IGFBP7: variants seen among roughly 807,000 people sequenced by gnomAD.
IGFBP7 encodes the protein insulin like growth factor binding protein 7, also known as insulin-like growth factor-binding protein 7.
IGFBP7 carries 31 observed loss-of-function variants against 29.4 expected under a neutral mutation model. That is an observed-to-expected ratio of 1.05 (90% CI 0.79 to 1.42). The LOEUF (loss-of-function observed/expected upper bound fraction) is 1.42. Among genes scored for constraint, IGFBP7 ranks in the 40% most tolerant of loss-of-function variants. The pLI, the probability that IGFBP7 is intolerant of heterozygous loss-of-function variation, is 0.00. For missense variants in IGFBP7, 393 were observed against 395.5 expected (o/e 0.99, Z 0.05); for synonymous variants, 172 against 174.9 (o/e 0.98, Z 0.13).
chr4:57,109,817 G>C, intron 1 of IGFBP7, 60 bp downstream of exon 1: 1 of 1,488,018 alleles, frequency 6.7e-7, no homozygotes, highest in Non-Finnish European at 8.9e-7. Context: ...ACGCCCCGTC[G>C]GATGTGCCCT....
chr4:57,092,002 A>T (rs2109796069), intron 1 of IGFBP7, among the ~76,000 whole-genome samples: 1 of 152,352 alleles, frequency 6.6e-6, no homozygotes, highest in East Asian at 1.9e-4. Flanking sequence ...GGGAAGTTGC[A>T]TTTAAAGAGC....
intron 1 of IGFBP7, among the ~76,000 whole-genome samples, chr4:57,064,133 G>A (rs1209564033): frequency 6.6e-6 from 1 of 152,164 alleles, no homozygotes; most frequent in Admixed American, 6.5e-5. Context: ...GAGCCTAGGA[G>A]TTTCACAGCA....
intron 1 of IGFBP7, among the ~76,000 whole-genome samples, chr4:57,089,331 T>A (rs765792683): frequency 2.0e-5 from 3 of 152,216 alleles, no homozygotes; most frequent in Admixed American, 1.3e-4. Flanking sequence ...TTTAAAATTA[T>A]CCCTTTCCAC....
At chr4:57,035,544 T>C (rs1724063214) in intron 2 of IGFBP7, among the ~76,000 whole-genome samples, 1 of 152,142 alleles carries the variant, frequency 6.6e-6, no homozygotes, top group African/African-American at 2.4e-5. Context: ...AACCTCTGCC[T>C]CCGCCTCCGG....
chr4:57,046,023 AC>A (rs1319330912), intron 1 of IGFBP7, among the ~76,000 whole-genome samples: 1 of 152,064 alleles, frequency 6.6e-6, no homozygotes, highest in African/African-American at 2.4e-5. Flanking sequence ...ACTGCACGCG[AC>A]CAAAATCTCT....
intron 1 of IGFBP7, among the ~76,000 whole-genome samples, chr4:57,071,257 C>A (rs902252750): frequency 4.6e-5 from 7 of 152,168 alleles, no homozygotes; most frequent in African/African-American, 1.7e-4. Flanking sequence ...CTGCTGCAGC[C>A]TCTGGAAAGC....
chr4:57,050,977 G>C (rs1408142567), intron 1 of IGFBP7, among the ~76,000 whole-genome samples: 2 of 152,122 alleles, frequency 1.3e-5, no homozygotes, highest in African/African-American at 4.8e-5. Flanking sequence ...AAAATAGTGT[G>C]TGCATTAATA....
At chr4:57,091,677 C>T (rs1725641282) in intron 1 of IGFBP7, among the ~76,000 whole-genome samples, 1 of 152,186 alleles carries the variant, frequency 6.6e-6, no homozygotes, top group African/African-American at 2.4e-5. Context: ...TCACATGCAG[C>T]TTTTCCATTT....
chr4:57,065,952 C>T (rs928525066), intron 1 of IGFBP7, among the ~76,000 whole-genome samples: 9 of 152,160 alleles, frequency 5.9e-5, no homozygotes, highest in African/African-American at 2.2e-4. Context: ...CCTTTGCTCC[C>T]TACCCCCATC....
rs182863791 is a variant in IGFBP7 at position 57,108,768 on chromosome 4, C to T, written c.475+1109G>A. ...TTCACCGTGTTGGTCAGGCTGATCT[C>T]GAACTCCTGACCTCGTGATCTGCCC... is the stretch of plus-strand genomic sequence containing the variant. On this transcript the variant is annotated intron_variant, in intron 1 of 4. Transcript: ENST00000295666. Among the ~76,000 whole-genome samples the T allele has an allele frequency of 5.0e-4, 76 of 152,146 alleles. 1 individual carries two copies. Among genetic ancestry groups the T allele is most frequent in the Middle Eastern group, 6.8e-3 (2 of 294 alleles).
At chr4:57,052,908 A>G (rs1724544292) in intron 1 of IGFBP7, among the ~76,000 whole-genome samples, 1 of 152,208 alleles carries the variant, frequency 6.6e-6, no homozygotes. Context: ...ATATCTCACA[A>G]TTATCACTGT....
intron 1 of IGFBP7, among the ~76,000 whole-genome samples, chr4:57,051,670 G>A (rs1344468135): frequency 6.6e-6 from 1 of 152,176 alleles, no homozygotes; most frequent in Non-Finnish European, 1.5e-5. Context: ...TTGGAGCGTG[G>A]ACTTGGAATC....
intron 1 of IGFBP7, among the ~76,000 whole-genome samples, chr4:57,059,308 C>T (rs936855010): frequency 6.6e-6 from 1 of 152,160 alleles, no homozygotes; most frequent in African/African-American, 2.4e-5. Flanking sequence ...ATGTTCATTG[C>T]AGCACTATTC....
At chr4:57,065,896 C>T (rs985543881) in intron 1 of IGFBP7, among the ~76,000 whole-genome samples, 1 of 152,192 alleles carries the variant, frequency 6.6e-6, no homozygotes, top group East Asian at 1.9e-4. Flanking sequence ...CTCTGCTCCA[C>T]GGTCCTCACT....
intron 1 of IGFBP7, among the ~76,000 whole-genome samples, chr4:57,047,089 T>G (rs1390606203): frequency 3.3e-5 from 5 of 152,190 alleles, no homozygotes. Context: ...ATGATATGGT[T>G]TGACTGTGTC....
intron 1 of IGFBP7, among the ~76,000 whole-genome samples, chr4:57,105,438 G>A (rs1725999854): frequency 1.3e-5 from 2 of 152,038 alleles, no homozygotes. Context: ...TAGGTCCTTG[G>A]GTCTGTCTAT....
intron 1 of IGFBP7, among the ~76,000 whole-genome samples, chr4:57,098,495 A>G (rs11573037): frequency 0.01 from 1,585 of 152,288 alleles, 11 homozygotes; most frequent in Non-Finnish European, 0.015. Context: ...TTTTCTAGTG[A>G]ACCAAAGGCC....
intron 2 of IGFBP7, among the ~76,000 whole-genome samples, chr4:57,039,389 G>A (rs1018711754): frequency 2.6e-5 from 4 of 152,084 alleles, no homozygotes; most frequent in African/African-American, 9.7e-5. Context: ...TTTCAGTCCA[G>A]GGCAATTCCC....
chr4:57,109,010 G>T (rs1726104134), intron 1 of IGFBP7, among the ~76,000 whole-genome samples: 1 of 152,148 alleles, frequency 6.6e-6, no homozygotes, highest in South Asian at 2.1e-4. Context: ...TGGTCAGAAG[G>T]TTGACAACAA....
Sources: gnomAD v4.1 joint callset for allele counts (sites outside exome capture counted in the v4.1 genomes callset) on GRCh38, gnomAD v4.1.1 for gene constraint, MANE v1.5 for transcripts, NCBI Gene and HGNC (gene_info 2026-07-23, HGNC 2026-07-21) for gene names.